ODAD2: variants seen among roughly 807,000 people sequenced by gnomAD.
The protein encoded by ODAD2 is outer dynein arm docking complex subunit 2, also known as outer dynein arm-docking complex subunit 2.
In ODAD2, 89 loss-of-function variants were observed where a neutral mutation model predicts 106.8. The observed-to-expected ratio is 0.83, with a 90% confidence interval of 0.70 to 0.99. The LOEUF (loss-of-function observed/expected upper bound fraction) is 0.99, where lower values mean the gene tolerates loss of function less well. ODAD2 is among the 50% of genes least tolerant of loss of function. The pLI, the probability that ODAD2 is intolerant of heterozygous loss-of-function variation, is 0.00. For missense variants in ODAD2, 1,168 were observed against 1,238.5 expected, an observed-to-expected ratio of 0.94 and a Z score of 0.85; for synonymous variants, 404 against 436.2, an observed-to-expected ratio of 0.93 and a Z score of 0.92.
chr10:27,814,681 C>T (rs1022970224), intron 19 of ODAD2, among the ~76,000 whole-genome samples: 2 of 152,318 alleles, frequency 1.3e-5, no homozygotes, highest in East Asian at 3.9e-4. Context: ...TTTCCTTTAA[C>T]CATCTTCCGT....
At chr10:27,820,708 T>C (rs1836532351) in intron 19 of ODAD2, among the ~76,000 whole-genome samples, 1 of 151,996 alleles carries the variant, frequency 6.6e-6, no homozygotes, top group Non-Finnish European at 1.5e-5. Flanking sequence ...ACCACAAGGC[T>C]TCATTCTATA....
intron 17 of ODAD2, among the ~76,000 whole-genome samples, chr10:27,906,122 A>G (rs1330250701): frequency 6.6e-6 from 1 of 152,208 alleles, no homozygotes; most frequent in Non-Finnish European, 1.5e-5. Context: ...TCAATCTGAC[A>G]AAGGGCTGAT....
At chr10:27,940,244 TATA>T (rs1420571445) in intron 13 of ODAD2, among the ~76,000 whole-genome samples, 2 of 120,740 alleles carry the variant, frequency 1.7e-5, no homozygotes, top group African/African-American at 6.4e-5. Context: ...GTGTGATATA[TATA>T]TAAATGTCAG....
intron 16 of ODAD2, among the ~76,000 whole-genome samples, chr10:27,923,992 A>G (rs532680327): frequency 2.2e-4 from 30 of 133,440 alleles, no homozygotes; most frequent in African/African-American, 8.3e-4. Context: ...GAAAGAAAGA[A>G]AGAAAGAAAG....
chr10:27,844,227 A>G (rs1236886326), intron 19 of ODAD2, among the ~76,000 whole-genome samples: 1 of 152,228 alleles, frequency 6.6e-6, no homozygotes, highest in African/African-American at 2.4e-5. Context: ...GCATAAATTA[A>G]GAATATATAC....
intron 19 of ODAD2, among the ~76,000 whole-genome samples, chr10:27,841,019 GTAAT>G (rs2133107995): frequency 6.6e-6 from 1 of 152,264 alleles, no homozygotes; most frequent in East Asian, 1.9e-4. Flanking sequence ...TGAATGCTCA[GTAAT>G]TGATTGTTAT....
At chr10:27,890,580 T>C (rs908747814) in intron 17 of ODAD2, among the ~76,000 whole-genome samples, 5 of 152,030 alleles carry the variant, frequency 3.3e-5, no homozygotes, top group Non-Finnish European at 7.4e-5. Context: ...ACTAGCAGCC[T>C]CTATTGCAGC....
At chr10:27,886,340 C>A (rs1402326756) in intron 17 of ODAD2, among the ~76,000 whole-genome samples, 1 of 151,166 alleles carries the variant, frequency 6.6e-6, no homozygotes, top group Non-Finnish European at 1.5e-5. Context: ...TCCAGAGAAG[C>A]TTTGCAGGCC....
chr10:27,953,340 TA>T (rs984118217), intron 10 of ODAD2, among the ~76,000 whole-genome samples: 1 of 152,158 alleles, frequency 6.6e-6, no homozygotes, highest in South Asian at 2.1e-4. Context: ...TTCATTCCAA[TA>T]AAAAATCTTA....
At chr10:27,855,508 G>A (rs1473002443) in intron 19 of ODAD2, among the ~76,000 whole-genome samples, 2 of 152,108 alleles carry the variant, frequency 1.3e-5, no homozygotes, top group African/African-American at 2.4e-5. Context: ...AAACTACAGC[G>A]ACATTAAGAG....
rs1036845526 is a variant in ODAD2, at chr10:27,874,714, C to T, written c.2611-12092G>A. 1.4e-4 allele frequency among the ~76,000 whole-genome samples: 21 copies of T among 152,216 alleles called. No homozygotes were observed. In the East Asian group the frequency reaches 2.9e-3, roughly 21 times the overall value. On this transcript the variant is annotated intron_variant, in intron 17 of 19. Transcript: ENST00000305242. ...CCCTTTTGTCTTGTAGGGTTTCTGC[C>T]GAGAGATCCACTGTTAGTCTGATGG... is the stretch of plus-strand genomic sequence containing the variant.
chr10:27,838,670 C>A (rs1002255021), intron 19 of ODAD2, among the ~76,000 whole-genome samples: 1 of 152,210 alleles, frequency 6.6e-6, no homozygotes, highest in Non-Finnish European at 1.5e-5. Context: ...CTGCCAGATT[C>A]CTCGACTTTT....
chr10:27,948,332 T>C (rs559158779), intron 10 of ODAD2, among the ~76,000 whole-genome samples: 1 of 152,230 alleles, frequency 6.6e-6, no homozygotes, highest in South Asian at 2.1e-4. Context: ...CTGACCACAC[T>C]CCCAAAGGGA....
At chr10:27,995,992 C>T (rs1169843532) in intron 1 of ODAD2, among the ~76,000 whole-genome samples, 2 of 152,098 alleles carry the variant, frequency 1.3e-5, no homozygotes, top group Non-Finnish European at 2.9e-5. Context: ...AAATTTAAAA[C>T]CAATTCAAGT....
chr10:27,864,782 C>T (rs2065688), intron 17 of ODAD2, among the ~76,000 whole-genome samples: 78,164 of 151,838 alleles, frequency 0.51, 22,444 homozygotes, highest in Middle Eastern at 0.68. Flanking sequence ...GGCTCTATCA[C>T]TTTCTCAAAT....
intron 19 of ODAD2, among the ~76,000 whole-genome samples, chr10:27,824,289 T>C (rs917408694): frequency 6.6e-5 from 10 of 152,224 alleles, no homozygotes; most frequent in African/African-American, 4.8e-5. Context: ...TGAAACTTAA[T>C]TGACATTGTA....
At chr10:27,903,564 G>GA (rs754312546) in intron 17 of ODAD2, among the ~76,000 whole-genome samples, 17 of 152,206 alleles carry the variant, frequency 1.1e-4, no homozygotes, top group Non-Finnish European at 8.8e-5. Flanking sequence ...CGTCTCAGCC[G>GA]AAAATCTCCT....
intron 19 of ODAD2, among the ~76,000 whole-genome samples, chr10:27,843,949 C>T (rs1175158203): frequency 1.3e-5 from 2 of 152,154 alleles, no homozygotes; most frequent in African/African-American, 4.8e-5. Context: ...CCTGTAATCC[C>T]AGCACTTTGG....
intron 16 of ODAD2, among the ~76,000 whole-genome samples, chr10:27,932,395 A>C (rs573735934): frequency 6.6e-6 from 1 of 152,308 alleles, no homozygotes; most frequent in South Asian, 2.1e-4. Flanking sequence ...TGCACCATCA[A>C]ATATTAAAAA....
Sources: allele counts gnomAD v4.1 joint callset (sites outside exome capture counted in the v4.1 genomes callset), GRCh38; gene constraint gnomAD v4.1.1; transcripts MANE v1.5; gene names NCBI Gene and HGNC (gene_info 2026-07-23, HGNC 2026-07-21).